Variants in NLGN4X observed in about 807,000 individuals in gnomAD.
NLGN4X encodes neuroligin-4, X-linked.
Under a neutral mutation model 40.3 loss-of-function variants are expected in NLGN4X, and 3 were observed. That is an observed-to-expected ratio of 0.07 (90% CI 0.03 to 0.19). The LOEUF (loss-of-function observed/expected upper bound fraction) is 0.19. Among genes scored for constraint, NLGN4X ranks in the 10% least tolerant of loss-of-function variants. The pLI, the probability that NLGN4X is intolerant of heterozygous loss-of-function variation, is 1.00. For missense variants in NLGN4X, 382 were observed against 708.3 expected, an observed-to-expected ratio of 0.54 and a Z score of 5.23; for synonymous variants, 270 against 306.8, an observed-to-expected ratio of 0.88 and a Z score of 1.25.
At chrX:6,137,504 G>A (rs1474465571) in intron 2 of NLGN4X, among the ~76,000 whole-genome samples, 1 of 111,733 alleles carries the variant, frequency 8.9e-6, no homozygotes, top group Non-Finnish European at 1.9e-5. Context: ...TACTACCTAT[G>A]ACGTGGCCTG....
chrX:6,140,682 A>T (rs1329007755), intron 2 of NLGN4X, among the ~76,000 whole-genome samples: 1 of 109,896 alleles, frequency 9.1e-6, no homozygotes, highest in Non-Finnish European at 1.9e-5. Flanking sequence ...AGCACAAGTG[A>T]TCCTCCCGCC....
chrX:6,162,151 ATG>A (rs1214806528), intron 1 of NLGN4X, among the ~76,000 whole-genome samples: 4 of 111,864 alleles, frequency 3.6e-5, no homozygotes, highest in Non-Finnish European at 7.5e-5. Context: ...ACACCTACTC[ATG>A]TGTGTATTAT....
chrX:6,049,238 AG>A (rs1569207620), intron 2 of NLGN4X, among the ~76,000 whole-genome samples: 100 of 2,948 alleles, frequency 0.034, 6 homozygotes, highest in East Asian at 0.069. Flanking sequence ...AGGGGAGGGG[AG>A]GGGAGGGGAG....
intron 3 of NLGN4X, among the ~76,000 whole-genome samples, chrX:5,968,439 C>T (rs1421035211): frequency 9.9e-5 from 1 of 10,082 alleles, no homozygotes; most frequent in South Asian, 4.8e-3. Context: ...GTAAGTACCC[C>T]TCTCTCTCTC....
At chrX:6,090,808 G>A (rs1355584679) in intron 2 of NLGN4X, among the ~76,000 whole-genome samples, 1 of 104,188 alleles carries the variant, frequency 9.6e-6, no homozygotes, top group Non-Finnish European at 1.9e-5. Flanking sequence ...TTGTGGTAGT[G>A]GTGCCACTGT....
chrX:6,209,286 A>G (rs960991773), intron 1 of NLGN4X, among the ~76,000 whole-genome samples: 1 of 112,128 alleles, frequency 8.9e-6, no homozygotes, highest in Non-Finnish European at 1.9e-5. Context: ...GATACAATGT[A>G]TGTTATTTGG....
At chrX:6,203,408 C>A (rs774920996) in intron 1 of NLGN4X, among the ~76,000 whole-genome samples, 6 of 112,357 alleles carry the variant, frequency 5.3e-5, no homozygotes, top group Non-Finnish European at 1.1e-4. Context: ...TAACACCTTC[C>A]TGGAATCCTC....
chrX:6,053,481 A>G (rs1379115099), intron 2 of NLGN4X, among the ~76,000 whole-genome samples: 3 of 110,834 alleles, frequency 2.7e-5, no homozygotes, highest in Non-Finnish European at 3.8e-5. Flanking sequence ...AAGATGGCCA[A>G]TGGGTTTCTC....
chrX:6,086,185 G>T (rs2038492327), intron 2 of NLGN4X, among the ~76,000 whole-genome samples: 1 of 111,923 alleles, frequency 8.9e-6, no homozygotes, highest in Admixed American at 9.5e-5. Context: ...GCATAGCTTT[G>T]GAAAAGAAAA....
chrX:6,081,114 C>A (rs1284502400), intron 2 of NLGN4X, among the ~76,000 whole-genome samples: 1 of 111,234 alleles, frequency 9.0e-6, no homozygotes, highest in East Asian at 2.8e-4. Flanking sequence ...CATGGCAAAA[C>A]CCTGTCTCTA....
In NLGN4X at chrX:6,151,536, G is replaced by A. The variant is rs764208674; in HGVS notation, c.-70C>T. 1.5e-5 allele frequency: 14 copies of A among 928,772 alleles called. No homozygotes were observed. Among genetic ancestry groups the A allele is most frequent in the Middle Eastern group, 2.7e-4 (1 of 3,756 alleles). 76.5% of individuals were successfully genotyped at this position (928,772 alleles called of 1,213,427 possible). ...CTCCAAGGAGACAAAGCCCAGAGGC[G>A]AGCCTGCAGAGAGATAGGGCTTTCC... On this transcript the variant is annotated 5_prime_UTR_variant, in exon 2 of 6. Coordinates refer to ENST00000381095, the MANE Select transcript of NLGN4X (RefSeq NM_181332.3).
At chrX:6,021,039 TCTCTCTCTCC>T (rs1569189998) in intron 3 of NLGN4X, among the ~76,000 whole-genome samples, 7 of 30,667 alleles carry the variant, frequency 2.3e-4, no homozygotes, top group African/African-American at 3.9e-4. Context: ...TCTCTCTCTC[TCTCTCTCTCC>T]CTCCCTCCCT....
intron 3 of NLGN4X, among the ~76,000 whole-genome samples, chrX:5,960,252 A>G (rs1369648845): frequency 2.7e-5 from 1 of 37,663 alleles, no homozygotes; most frequent in Non-Finnish European, 5.5e-5. Context: ...ATATGATGCC[A>G]ATTTTGCAAA....
At chrX:6,149,141 A>G (rs1160319251) in intron 2 of NLGN4X, among the ~76,000 whole-genome samples, 3 of 112,036 alleles carry the variant, frequency 2.7e-5, no homozygotes, top group Non-Finnish European at 5.6e-5. Context: ...ACATTCCTCA[A>G]ATTTTAATTC....
Position 6,151,311 on chromosome X carries a change from A to G in NLGN4X, c.156T>C (p.Tyr52=). 1 of 1,212,081 alleles carries G rather than the reference A, an allele frequency of 8.3e-7. No individual in the cohort carries two copies. The highest frequency in any genetic ancestry group is 1.1e-6 in the Non-Finnish European group (1 of 895,583). ...QAQYPVVNTN[Y]GKIRGLRTPL... is the part of the protein sequence containing the mutation. ...GTGTTCTTAGGCCCCGGATTTTGCCATAATTTGTGTTGACAACTGGATACT... is the reference window on the plus strand; with the variant it reads ...GTGTTCTTAGGCCCCGGATTTTGCCGTAATTTGTGTTGACAACTGGATACT... Residue 52 remains tyrosine (Y), a synonymous_variant, in exon 2 of 6, where the codon TAT becomes TAC. Coordinates refer to ENST00000381095, the MANE Select transcript of NLGN4X (RefSeq NM_181332.3).
chrX:6,184,137 T>C (rs1325737978), intron 1 of NLGN4X, among the ~76,000 whole-genome samples: 1 of 112,233 alleles, frequency 8.9e-6, no homozygotes, highest in Non-Finnish European at 1.9e-5. Context: ...AAAAACCACC[T>C]TTTATGAACT....
intron 2 of NLGN4X, among the ~76,000 whole-genome samples, chrX:6,148,061 A>G (rs959218498): frequency 8.9e-6 from 1 of 112,296 alleles, no homozygotes; most frequent in Admixed American, 9.5e-5. Context: ...TATATGTTTC[A>G]TAAACTATTG....
intron 1 of NLGN4X, among the ~76,000 whole-genome samples, chrX:6,200,289 A>T (rs1346836559): frequency 1.8e-5 from 2 of 112,079 alleles, no homozygotes; most frequent in Non-Finnish European, 3.8e-5. Flanking sequence ...ATAATGGGTT[A>T]AATAAGAACA....
intron 3 of NLGN4X, among the ~76,000 whole-genome samples, chrX:6,008,532 GT>G (rs2036162829): frequency 9.0e-6 from 1 of 111,348 alleles, no homozygotes; most frequent in Non-Finnish European, 1.9e-5. Context: ...ATAGAGATGG[GT>G]TTTTAAAAGT....
Sources: allele counts gnomAD v4.1 joint callset (sites outside exome capture counted in the v4.1 genomes callset), GRCh38; gene constraint gnomAD v4.1.1; transcripts MANE v1.5; gene names NCBI Gene and HGNC (gene_info 2026-07-23, HGNC 2026-07-21).